The following ASTN2 variants were observed in gnomAD, a reference collection of about 807,000 sequenced individuals.
ASTN2 encodes the protein astrotactin 2, also known as astrotactin-2.
A neutral mutation model predicts 139.8 loss-of-function variants in ASTN2; 54 were observed. That is an observed-to-expected ratio of 0.39 (90% confidence interval 0.31 to 0.48). The LOEUF (loss-of-function observed/expected upper bound fraction) is 0.48. ASTN2 is among the 20% of genes least tolerant of loss of function. The pLI is 0.95. For synonymous variants in ASTN2, 756 were observed against 719.5 expected (o/e 1.05, Z -0.81); for missense variants, 1,565 against 1,725.1 (o/e 0.91, Z 1.64).
chr9:116,568,417 G>A (rs1289055177), intron 19 of ASTN2: 1 of 152,082 alleles, frequency 6.6e-6, no homozygotes, highest in Non-Finnish European at 1.5e-5. Context: ...AGAAAAGCGA[G>A]GGAGAAAATT....
At chr9:116,537,953 A>G (rs966792693) in intron 19 of ASTN2, among the ~76,000 whole-genome samples, 12 of 152,216 alleles carry the variant, frequency 7.9e-5, no homozygotes, top group Non-Finnish European at 1.5e-4. Context: ...AGTTTTACAG[A>G]GAATGGGATG....
At chr9:116,688,404 CAG>C (rs893803908) in intron 16 of ASTN2, among the ~76,000 whole-genome samples, 11 of 151,928 alleles carry the variant, frequency 7.2e-5, no homozygotes, top group Admixed American at 2.6e-4. Flanking sequence ...GCATGGGAGA[CAG>C]AGGGAGTTCA....
intron 13 of ASTN2, among the ~76,000 whole-genome samples, chr9:116,741,644 G>T (rs1829099229): frequency 6.6e-6 from 1 of 152,168 alleles, no homozygotes; most frequent in Non-Finnish European, 1.5e-5. Context: ...GTCCTTCTCT[G>T]GAACTGAGAA....
intron 13 of ASTN2, among the ~76,000 whole-genome samples, chr9:116,790,205 C>T (rs1407192067): frequency 6.6e-6 from 1 of 152,126 alleles, no homozygotes; most frequent in Non-Finnish European, 1.5e-5. Flanking sequence ...GGATTGCAGG[C>T]GTGAGCCCCC....
intron 13 of ASTN2, among the ~76,000 whole-genome samples, chr9:116,749,976 A>AT (rs928665202): frequency 6.6e-6 from 1 of 152,176 alleles, no homozygotes; most frequent in African/African-American, 2.4e-5. Context: ...CCATGAGCTA[A>AT]TTATTCCTCC....
At chr9:116,687,388 G>T in intron 16 of ASTN2, 1 of 336,896 alleles carries the variant, frequency 3.0e-6, no homozygotes, top group Non-Finnish European at 4.2e-6. Context: ...TCAGGTAGGG[G>T]GCGGGAAGGA....
intron 19 of ASTN2, among the ~76,000 whole-genome samples, chr9:116,523,948 G>T (rs541950347): frequency 7.1e-4 from 108 of 152,290 alleles, no homozygotes; most frequent in African/African-American, 2.6e-3. Flanking sequence ...CAGATGCATG[G>T]ACTATATTTT....
In ASTN2 at chr9:117,298,675, T is replaced by TATATATATATATATATATGTGC. The variant is rs1238960248; in HGVS notation, c.443-7163_443-7162insGCACATATATATATATATATAT. Among the ~76,000 whole-genome samples, 69 of 130,548 alleles carry TATATATATATATATATATGTGC rather than the reference T, an allele frequency of 5.3e-4. No homozygotes were observed. The South Asian group carries it at 5.5e-3, about 10-fold the overall frequency. 85.6% of individuals were successfully genotyped at this position (130,548 alleles called of 152,430 possible). A position where few individuals can be genotyped will look rare whatever the true frequency, so the allele number is the denominator to read the frequency against. Reference sequence around the variant, plus strand: ...GTGTGTGTATATATATATGTGTATATATATATATATATATATGTGCATATG... The same window carrying TATATATATATATATATATGTGC: ...GTGTGTGTATATATATATGTGTATATATATATATATATATATATGTGCATATATATATATATATGTGCATATG... On this transcript the variant is annotated intron_variant, in intron 1 of 22. Transcript: ENST00000313400.
intron 16 of ASTN2, among the ~76,000 whole-genome samples, chr9:116,719,625 T>TGG (rs1297941188): frequency 6.6e-6 from 1 of 152,124 alleles, no homozygotes; most frequent in African/African-American, 2.4e-5. Context: ...AGCTTGATGT[T>TGG]GGAGGTATAA....
chr9:116,576,699 G>A (rs1371802787), intron 19 of ASTN2, among the ~76,000 whole-genome samples: 7 of 151,998 alleles, frequency 4.6e-5, no homozygotes, highest in African/African-American at 1.2e-4. Flanking sequence ...TGAACGTTTC[G>A]GGCATTCTCC....
chr9:116,478,991 C>CAAAAAAAA (rs34860380), intron 20 of ASTN2, among the ~76,000 whole-genome samples: 612 of 61,028 alleles, frequency 0.01, 24 homozygotes, highest in African/African-American at 0.042. Context: ...GACTGTGCCT[C>CAAAAAAAA]AAAAAAAAAA....
chr9:116,608,997 A>G (rs906380612), intron 19 of ASTN2, among the ~76,000 whole-genome samples: 3 of 152,190 alleles, frequency 2.0e-5, no homozygotes, highest in African/African-American at 7.2e-5. Context: ...TGCACTTCAC[A>G]GAAGGCATTG....
chr9:116,561,260 A>T (rs1852900071), intron 19 of ASTN2, among the ~76,000 whole-genome samples: 1 of 152,196 alleles, frequency 6.6e-6, no homozygotes, highest in Non-Finnish European at 1.5e-5. Context: ...TATGCTAGAA[A>T]GTTCTTGTGA....
At chr9:117,111,436 T>TAA (rs56901733) in intron 4 of ASTN2, among the ~76,000 whole-genome samples, 42 of 149,470 alleles carry the variant, frequency 2.8e-4, no homozygotes, top group East Asian at 1.8e-3. Context: ...ATGTATAAAA[T>TAA]AAAAAAAAAA....
intron 19 of ASTN2, among the ~76,000 whole-genome samples, chr9:116,600,820 C>T (rs1365195012): frequency 3.9e-5 from 6 of 152,118 alleles, no homozygotes; most frequent in Non-Finnish European, 5.9e-5. Context: ...ACTGTGCGTG[C>T]TGTTTCCTCT....
At chr9:117,059,624 T>C (rs890419429) in intron 5 of ASTN2, among the ~76,000 whole-genome samples, 4 of 151,860 alleles carry the variant, frequency 2.6e-5, no homozygotes, top group African/African-American at 7.3e-5. Flanking sequence ...TTATTATTAC[T>C]ATTAAAAAAA....
chr9:117,192,145 G>A (rs964846320), intron 3 of ASTN2, among the ~76,000 whole-genome samples: 6 of 152,016 alleles, frequency 3.9e-5, no homozygotes, highest in Non-Finnish European at 7.3e-5. Context: ...GGCTATCAGG[G>A]GATGCCAAGC....
rs764740141 is a variant in ASTN2, at chr9:117,180,623, G to A, written c.1015+33735C>T. 985 of 1,103,514 alleles carry A rather than the reference G, an allele frequency of 8.9e-4. 2 individuals are homozygous for A. Among genetic ancestry groups the A allele is most frequent in the Non-Finnish European group, 1.1e-3 (836 of 762,596 alleles). 68.4% of individuals were successfully genotyped at this position (1,103,514 alleles called of 1,614,324 possible). A position where few individuals can be genotyped will look rare whatever the true frequency, so the allele number is the denominator to read the frequency against. On this transcript the variant is annotated intron_variant, in intron 3 of 22. Coordinates refer to ENST00000313400, the MANE Select transcript of ASTN2 (RefSeq NM_001365068.1). ...CACCATTCTAAACAACTGATCTGGA[G>A]TATCTTTTTTTTTTTTTTTTTGGAC...
At chr9:117,000,444 T>C (rs1052807248) in intron 7 of ASTN2, among the ~76,000 whole-genome samples, 2 of 152,238 alleles carry the variant, frequency 1.3e-5, no homozygotes, top group African/African-American at 4.8e-5. Context: ...TTGTAGACCA[T>C]ATTGTCAAAG....
Sources: gnomAD v4.1 joint callset for allele counts (sites outside exome capture counted in the v4.1 genomes callset) on GRCh38, gnomAD v4.1.1 for gene constraint, MANE v1.5 for transcripts, NCBI Gene and HGNC (gene_info 2026-07-23, HGNC 2026-07-21) for gene names.